The following EBF1 variants were observed in gnomAD, a reference collection of about 807,000 sequenced individuals.
EBF1 encodes EBF transcription factor 1.
Under a neutral mutation model 68.4 loss-of-function variants are expected in EBF1, and 10 were observed. That is an observed-to-expected ratio of 0.15 (90% CI 0.09 to 0.25). The LOEUF is 0.25. EBF1 is among the 10% of genes least tolerant of loss of function. EBF1 has a pLI of 1.00. For synonymous variants in EBF1, 298 were observed against 299.8 expected, an observed-to-expected ratio of 0.99 and a Z score of 0.06; for missense variants, 509 against 794.4, an observed-to-expected ratio of 0.64 and a Z score of 4.32.
intron 6 of EBF1, among the ~76,000 whole-genome samples, chr5:158,845,519 G>A (rs1428666847): frequency 6.6e-6 from 1 of 152,154 alleles, no homozygotes; most frequent in African/African-American, 2.4e-5. Flanking sequence ...ACCTGCCATA[G>A]AGGAAGTGAT....
intron 10 of EBF1, among the ~76,000 whole-genome samples, chr5:158,771,959 G>A (rs1160864119): frequency 1.3e-5 from 2 of 152,094 alleles, no homozygotes; most frequent in Non-Finnish European, 2.9e-5. Flanking sequence ...AGTTTGAACT[G>A]GATCCTTCAG....
chr5:158,943,345 C>T (rs992568889), intron 6 of EBF1, among the ~76,000 whole-genome samples: 2 of 151,880 alleles, frequency 1.3e-5, no homozygotes, highest in African/African-American at 4.8e-5. Flanking sequence ...CACACACACA[C>T]ACACACACAC....
At chr5:158,782,315 A>C (rs1776595332) in intron 9 of EBF1, among the ~76,000 whole-genome samples, 1 of 152,142 alleles carries the variant, frequency 6.6e-6, no homozygotes, top group East Asian at 1.9e-4. Context: ...CTCTCATTAG[A>C]TATTTCCTGA....
At chr5:158,814,621 C>G (rs906083589) in intron 8 of EBF1, among the ~76,000 whole-genome samples, 2 of 152,162 alleles carry the variant, frequency 1.3e-5, no homozygotes, top group Admixed American at 1.3e-4. Context: ...ATGAGGTTTA[C>G]AAACTCTTCA....
rs10050353 is a variant in EBF1 at position 158,840,545 on chromosome 5, T to A, written c.555-435A>T. On this transcript the variant is annotated intron_variant, in intron 6 of 15. Coordinates refer to ENST00000313708, the MANE Select transcript of EBF1 (RefSeq NM_024007.5). ...ACAAGGATTTGGTAACCACTTTTTA[T>A]CTTAGCCTCTCAAGTAAAATGTTTT... Among the ~76,000 whole-genome samples the A allele has an allele frequency of 8.6e-3, 1,307 of 151,962 alleles. 25 individuals are homozygous for A. Among genetic ancestry groups the A allele is most frequent in the African/African-American group, 0.03 (1,241 of 41,452 alleles).
intron 15 of EBF1, among the ~76,000 whole-genome samples, chr5:158,704,365 C>A (rs1348338738): frequency 6.6e-6 from 1 of 152,148 alleles, no homozygotes; most frequent in Non-Finnish European, 1.5e-5. Flanking sequence ...CAGAACCATG[C>A]ACAGTTAACA....
chr5:158,803,958 G>C (rs1582037943), intron 8 of EBF1, among the ~76,000 whole-genome samples: 2 of 145,852 alleles, frequency 1.4e-5, no homozygotes, highest in South Asian at 2.3e-4. Flanking sequence ...GTCTGTGTGT[G>C]TGTGTGTGTG....
intron 6 of EBF1, among the ~76,000 whole-genome samples, chr5:159,063,886 G>A (rs1457187074): frequency 1.3e-5 from 2 of 152,174 alleles, no homozygotes; most frequent in African/African-American, 4.8e-5. Flanking sequence ...CAAAATAGAA[G>A]TGACTTTTCC....
intron 9 of EBF1, among the ~76,000 whole-genome samples, chr5:158,782,161 G>T (rs896833532): frequency 5.9e-5 from 9 of 152,092 alleles, no homozygotes; most frequent in Non-Finnish European, 1.3e-4. Flanking sequence ...CCAATCATAC[G>T]TTCCCTCTTC....
chr5:158,900,487 C>T lies in EBF1; in HGVS notation c.555-60377G>A, dbSNP rs375553613. ...TCTCTAGGCAGTTCTGATTTGGTAA[C>T]GACATGGGCATGAGGCCCGGAAATT... is the stretch of plus-strand genomic sequence containing the variant. On this transcript the variant is annotated intron_variant, in intron 6 of 15. Transcript: ENST00000313708. Among the ~76,000 whole-genome samples, 5 of 152,274 alleles carry T rather than the reference C, an allele frequency of 3.3e-5. No homozygotes were observed. The East Asian group carries it at 5.8e-4, about 18-fold the overall frequency.
intron 5 of EBF1, 40 bp downstream of exon 5, chr5:159,084,626 C>A: frequency 7.0e-7 from 1 of 1,432,724 alleles, no homozygotes; most frequent in Non-Finnish European, 9.4e-7. Flanking sequence ...AATTCATCTT[C>A]TCTTTGCTAA....
At chr5:158,992,928 T>G (rs1370809806) in intron 6 of EBF1, among the ~76,000 whole-genome samples, 1 of 132,640 alleles carries the variant, frequency 7.5e-6, no homozygotes, top group African/African-American at 2.9e-5. Context: ...TTTTTTTTTT[T>G]TTTTTTTTTT....
chr5:158,731,145 G>A lies in EBF1; in HGVS notation c.1049C>T (p.Pro350Leu). Residue 350 changes from proline (P) to leucine (L), a missense_variant, in exon 11 of 16, where the codon CCC becomes CTC. Physicochemically the swap from Pro to Leu is moderately conservative, Grantham distance 98 (BLOSUM62 -3). This residue lies in a region of EBF1 where 230 missense variants were observed against 467.7 expected (regional missense o/e 0.49). Coordinates refer to ENST00000313708, the MANE Select transcript of EBF1 (RefSeq NM_024007.5). ...GRFIYTALNE[P>L]TIDYGFQRLQ... ...CCTCTGGAAACCATAATCGATGGTG[G>A]GTTCGTTGAGCGCTGCAATAAAGAA... 1 of 1,613,934 alleles carries A rather than the reference G, an allele frequency of 6.2e-7. No individual in the cohort carries two copies. The highest frequency in any genetic ancestry group is 8.5e-7 in the Non-Finnish European group (1 of 1,179,882).
At chr5:159,009,365 C>T (rs1434918851) in intron 6 of EBF1, among the ~76,000 whole-genome samples, 1 of 152,182 alleles carries the variant, frequency 6.6e-6, no homozygotes, top group East Asian at 1.9e-4. Flanking sequence ...AAAACCTACC[C>T]TCAACCTCGT....
At chr5:159,094,111 G>A (rs1456211470) in intron 4 of EBF1, among the ~76,000 whole-genome samples, 1 of 69,828 alleles carries the variant, frequency 1.4e-5, no homozygotes, top group African/African-American at 5.6e-5. Context: ...TTTTGACATC[G>A]CAAAAGAAAA....
intron 6 of EBF1, among the ~76,000 whole-genome samples, chr5:158,897,768 C>T (rs1426118897): frequency 6.6e-6 from 1 of 152,182 alleles, no homozygotes; most frequent in African/African-American, 2.4e-5. Context: ...CCACTGCCCC[C>T]ACAGCTGTTT....
intron 10 of EBF1, among the ~76,000 whole-genome samples, chr5:158,758,505 A>G (rs1468611314): frequency 6.6e-6 from 1 of 152,208 alleles, no homozygotes; most frequent in Non-Finnish European, 1.5e-5. Context: ...GTGTTTTAGG[A>G]CAATTCAAAT....
chr5:159,064,899 C>CTTT (rs57256923), intron 6 of EBF1, among the ~76,000 whole-genome samples: 856 of 67,888 alleles, frequency 0.013, 34 homozygotes, highest in African/African-American at 0.023. Context: ...CTCTTTTCAT[C>CTTT]TTTTTTTTTT....
chr5:159,036,047 T>A (rs963997309), intron 6 of EBF1, among the ~76,000 whole-genome samples: 5 of 152,332 alleles, frequency 3.3e-5, no homozygotes, highest in Non-Finnish European at 5.9e-5. Flanking sequence ...GACTTGGTTC[T>A]TAGGGAATAT....
Sources: allele counts gnomAD v4.1 joint callset (sites outside exome capture counted in the v4.1 genomes callset), GRCh38; gene constraint gnomAD v4.1.1; regional missense constraint gnomAD v4.1.1; transcripts MANE v1.5; gene names NCBI Gene and HGNC (gene_info 2026-07-23, HGNC 2026-07-21).